LDB3: variants seen among roughly 807,000 people sequenced by gnomAD.
LDB3 encodes LIM domain-binding protein 3.
Under a neutral mutation model 69.0 loss-of-function variants are expected in LDB3, and 49 were observed. The observed-to-expected ratio is 0.71, with a 90% CI of 0.56 to 0.90. The LOEUF is 0.90. LDB3 is among the 40% of genes least tolerant of loss of function. The probability of loss-of-function intolerance (pLI) is 0.00; values close to 1 mark genes in which losing one functional copy is unlikely to be tolerated. For missense variants in LDB3, 928 were observed against 974.1 expected, an observed-to-expected ratio of 0.95 and a Z score of 0.63; for synonymous variants, 387 against 396.2, an observed-to-expected ratio of 0.98 and a Z score of 0.28.
At chr10:86,668,485 A>G (rs1457491581), upstream of LDB3, 3 of 652,272 alleles carry the variant, frequency 4.6e-6, no homozygotes, top group African/African-American at 3.6e-5. Flanking sequence ...GGCAGATATC[A>G]GTGTCGATGG....
At chr10:86,681,376 G>C (rs1408430307) in intron 4 of LDB3, 60 bp from the exon 5 acceptor site, 11 of 1,595,732 alleles carry the variant, frequency 6.9e-6, no homozygotes, top group Non-Finnish European at 7.6e-6. Context: ...GGAGCGCTGG[G>C]ACGCGTGTGG....
chr10:86,727,451 T>C (rs1847293664), intron 13 of LDB3, among the ~76,000 whole-genome samples: 1 of 152,224 alleles, frequency 6.6e-6, no homozygotes, highest in African/African-American at 2.4e-5. Context: ...TGACATAGGA[T>C]GACCCTAGTC....
chr10:86,718,681 C>T (rs755860113), intron 11 of LDB3, 46 bp from the exon 12 acceptor site: 25 of 1,613,754 alleles, frequency 1.5e-5, no homozygotes, highest in Admixed American at 6.7e-5. Context: ...TAGTCAAGCC[C>T]GCTCCCTCTC....
chr10:86,681,406 C>G, intron 4 of LDB3, 30 bp from the exon 5 acceptor site: 3 of 1,598,824 alleles, frequency 1.9e-6, no homozygotes, highest in Non-Finnish European at 2.5e-6. Context: ...GCTCTCTTCT[C>G]TCTCCCCTGC....
In LDB3 at chr10:86,716,673, T is replaced by C. The variant is rs2132482769; in HGVS notation, c.1578T>C (p.Pro526=). 6.2e-7 allele frequency: 1 copy of C among 1,613,894 alleles called. No homozygotes were observed. The highest frequency in any genetic ancestry group is 8.5e-7 in the Non-Finnish European group (1 of 1,179,984). Residue 526 remains proline, a synonymous_variant, in exon 10 of 14, where the codon CCT becomes CCC. Transcript: ENST00000361373. ...RGGPAYTPAG[P]QVPPLARGTV... The stretch of plus-strand genomic sequence containing the variant: ...GCCCAGCCTACACCCCAGCGGGTCC[T>C]CAGGTGCCACCACTTGCCAGGGGGA...
At chr10:86,722,191 C>T (rs1310944071) in intron 12 of LDB3, among the ~76,000 whole-genome samples, 1 of 152,206 alleles carries the variant, frequency 6.6e-6, no homozygotes, top group Non-Finnish European at 1.5e-5. Flanking sequence ...CATATGGAAT[C>T]AAATTTAAAA....
chr10:86,728,834 C>T (rs1013496136), intron 13 of LDB3, among the ~76,000 whole-genome samples: 9 of 152,022 alleles, frequency 5.9e-5, no homozygotes, highest in African/African-American at 1.7e-4. Flanking sequence ...CCCACCTCGG[C>T]CTCCCAAAGT....
In LDB3 at chr10:86,706,685, A is replaced by G. The variant is rs138251566; in HGVS notation, c.1051A>G (p.Thr351Ala). 4.8e-4 allele frequency: 776 copies of G among 1,612,664 alleles called. 2 individuals carry two copies. The highest frequency in any genetic ancestry group is 1.0e-3 in the Middle Eastern group (6 of 5,958). ...CACTGCCATCGCCTCCGCCTCCACC[A>G]CAGCCCCTGCTTCAAGTCCTGCCGA... Reference protein sequence around the residue: ...AHTAIASASTTAPASSPADSP... With the variant: ...AHTAIASASTAAPASSPADSP... The change falls in exon 8 of 14, where the codon ACA becomes GCA. Residue 351 changes from threonine to alanine, a missense_variant. By Grantham distance (58) the Thr-to-Ala change is moderately conservative (BLOSUM62 0). Coordinates refer to ENST00000361373, the MANE Select transcript of LDB3 (RefSeq NM_007078.3).
chr10:86,709,961 A>G lies in LDB3; in HGVS notation c.1142A>G (p.His381Arg). 1 of 1,612,808 alleles carries G rather than the reference A, an allele frequency of 6.2e-7. No individual in the cohort carries two copies. The highest frequency in any genetic ancestry group is 1.3e-5 in the African/African-American group (1 of 74,946). The part of the protein sequence containing the change: ...AVAASSAPAT[H>R]TSYSEGPAAP... ...GCCGCCTCTTCAGCACCTGCCACCC[A>G]CACCAGCTACAGTGAGGGCCCCGCC... The change falls in exon 9 of 14, where the codon CAC becomes CGC. Residue 381 changes from histidine to arginine, a missense_variant. Transcript: ENST00000361373.
intron 7 of LDB3, among the ~76,000 whole-genome samples, chr10:86,693,462 A>C (rs1443394791): frequency 6.6e-6 from 1 of 152,238 alleles, no homozygotes; most frequent in African/African-American, 2.4e-5. Context: ...GTACTTGCTA[A>C]CCAGCAGGCC....
At position 86,668,674 on chromosome 10, in the gene LDB3, G is replaced by A. The variant is rs778777335; in HGVS notation, c.-18G>A. 1.9e-5 allele frequency: 31 copies of A among 1,605,942 alleles called. No homozygotes were observed. Among genetic ancestry groups the A allele is most frequent in the Non-Finnish European group, 2.6e-5 (31 of 1,173,396 alleles). On this transcript the variant is annotated 5_prime_UTR_variant, in exon 2 of 14. Transcript: ENST00000361373. ...TCTCTACCCTTTGTCTGCAGAGGCG[G>A]CCGCTGACAGCACCAGCATGTCTTA...
intron 5 of LDB3, among the ~76,000 whole-genome samples, chr10:86,687,498 GGTGGC>G (rs1251968650): frequency 6.6e-6 from 1 of 152,238 alleles, no homozygotes; most frequent in African/African-American, 2.4e-5. Context: ...TGCAGAAAAT[GGTGGC>G]TCCTCAAAGT....
intron 5 of LDB3, among the ~76,000 whole-genome samples, chr10:86,687,972 T>C (rs746022949): frequency 1.3e-5 from 2 of 152,188 alleles, no homozygotes; most frequent in African/African-American, 2.4e-5. Context: ...TGCGTGTCTC[T>C]GTGTCTCCCT....
intron 5 of LDB3, among the ~76,000 whole-genome samples, chr10:86,682,703 T>C (rs767648473): frequency 6.6e-6 from 1 of 152,198 alleles, no homozygotes; most frequent in Non-Finnish European, 1.5e-5. Context: ...GGAATCACAC[T>C]GTCCATGTCT....
At chr10:86,727,343 C>T (rs936123923) in intron 13 of LDB3, among the ~76,000 whole-genome samples, 3 of 143,964 alleles carry the variant, frequency 2.1e-5, no homozygotes, top group African/African-American at 7.4e-5. Flanking sequence ...ATTAAGACAC[C>T]TCTACTATTT....
chr10:86,715,891 T>C (rs910183765), intron 9 of LDB3, among the ~76,000 whole-genome samples: 1 of 152,198 alleles, frequency 6.6e-6, no homozygotes, highest in African/African-American at 2.4e-5. Context: ...AGCAAACTTA[T>C]GCCAAGGGAG....
chr10:86,733,296 T>C lies in LDB3; in HGVS notation c.*320T>C. ...AGCTTTCCCAAAGCGATACACTTGC[T>C]TTGGTCACCAGAGGAGGACAGAGCT... is the stretch of plus-strand genomic sequence containing the variant. On this transcript the variant is annotated 3_prime_UTR_variant, in exon 14 of 14. Coordinates refer to ENST00000361373, the MANE Select transcript of LDB3 (RefSeq NM_007078.3). The C allele has an allele frequency of 2.8e-6, 1 of 363,160 alleles. No homozygotes were observed. Among genetic ancestry groups the C allele is most frequent in the South Asian group, 2.2e-5 (1 of 44,870 alleles). The allele number at this position is 363,160 out of a possible 1,614,324, so 22.5% of individuals were successfully genotyped here.
chr10:86,686,986 T>C, intron 5 of LDB3: 1 of 1,336,640 alleles, frequency 7.5e-7, no homozygotes, highest in Non-Finnish European at 1.1e-6. Flanking sequence ...CGCCCAGCCC[T>C]TGCCTTGGCC....
rs1256973404 is a variant in LDB3 at position 86,735,043 on chromosome 10, T to C, written c.*2067T>C. 1.5e-5 allele frequency: 2 copies of C among 135,600 alleles called. No homozygotes were observed. Among genetic ancestry groups the C allele is most frequent in the Admixed American group, 7.8e-5 (1 of 12,856 alleles). 8.4% of individuals were successfully genotyped at this position (135,600 alleles called of 1,614,324 possible). A position where few individuals can be genotyped will look rare whatever the true frequency, so the allele number is the denominator to read the frequency against. The stretch of plus-strand genomic sequence containing the variant: ...GAATTCAGTTTCCAAAATCTCTTTT[T>C]AAAGGGTTTACACACACACACACAC... On this transcript the variant is annotated 3_prime_UTR_variant, in exon 14 of 14. Coordinates refer to ENST00000361373, the MANE Select transcript of LDB3 (RefSeq NM_007078.3).
Sources: gnomAD v4.1 joint callset for allele counts (sites outside exome capture counted in the v4.1 genomes callset) on GRCh38, gnomAD v4.1.1 for gene constraint, MANE v1.5 for transcripts, NCBI Gene and HGNC (gene_info 2026-07-23, HGNC 2026-07-21) for gene names.